The following NAT1 variants were observed in gnomAD, a reference collection of about 807,000 sequenced individuals.
NAT1 encodes N-acetyltransferase 1.
For synonymous variants in NAT1, 144 were observed against 122.6 expected, an observed-to-expected ratio of 1.17 and a Z score of -1.16; for missense variants, 400 against 339.2, an observed-to-expected ratio of 1.18 and a Z score of -1.41.
At chr8:18,176,662 C>A (rs1802306570) in intron 2 of NAT1, among the ~76,000 whole-genome samples, 3 of 151,368 alleles carry the variant, frequency 2.0e-5, no homozygotes, top group Non-Finnish European at 2.9e-5. Context: ...ATGCCTTCTA[C>A]TTTGTTCTTT....
chr8:18,222,535 A>C lies in NAT1; in HGVS notation c.488A>C (p.Gln163Pro). ...TEENGFWYLD[Q>P]IRREQYIPNE... ...GAGAATGGATTCTGGTATCTAGACC[A>C]AATCAGAAGGGAACAGTACATTCCA... is the stretch of plus-strand genomic sequence containing the variant. Residue 163 changes from glutamine to proline, a missense_variant, in exon 3 of 3, where the codon CAA (glutamine) becomes CCA (proline). Coordinates refer to ENST00000307719, the MANE Select transcript of NAT1 (RefSeq NM_000662.8). 1 of 1,614,156 alleles carries C rather than the reference A, an allele frequency of 6.2e-7. No homozygotes were observed. The highest frequency in any genetic ancestry group is 2.2e-5 in the East Asian group (1 of 44,882).
chr8:18,219,695 G>A (rs528518017), intron 2 of NAT1, among the ~76,000 whole-genome samples: 1 of 152,208 alleles, frequency 6.6e-6, no homozygotes, highest in Non-Finnish European at 1.5e-5. Context: ...ATTCCACCTT[G>A]AAGCACAACG....
intron 2 of NAT1, among the ~76,000 whole-genome samples, chr8:18,179,805 C>T (rs879804347): frequency 3.9e-5 from 6 of 152,276 alleles, no homozygotes; most frequent in Middle Eastern, 3.4e-3. Flanking sequence ...CACTCATATG[C>T]ATGGCATTGT....
At chr8:18,187,562 A>G (rs979402836) in intron 2 of NAT1, among the ~76,000 whole-genome samples, 1 of 152,156 alleles carries the variant, frequency 6.6e-6, no homozygotes, top group African/African-American at 2.4e-5. Flanking sequence ...AGCAACGTGG[A>G]TGCAACTGGA....
chr8:18,192,862 G>T (rs1417239009), intron 2 of NAT1, among the ~76,000 whole-genome samples: 1 of 151,476 alleles, frequency 6.6e-6, no homozygotes, highest in East Asian at 2.0e-4. Flanking sequence ...AGGGGGGAGG[G>T]ATAGCATTAG....
At chr8:18,178,874 A>T (rs562471617) in intron 2 of NAT1, among the ~76,000 whole-genome samples, 5 of 152,236 alleles carry the variant, frequency 3.3e-5, no homozygotes, top group South Asian at 2.1e-4. Context: ...TTTCAAGTCT[A>T]ATACCACTTA....
At chr8:18,170,539 G>T (rs1245164987) in intron 1 of NAT1, 1 of 152,160 alleles carries the variant, frequency 6.6e-6, no homozygotes, top group Non-Finnish European at 1.5e-5. Flanking sequence ...TTGTTCTCTG[G>T]TTATAAATGT....
At position 18,222,326 on chromosome 8, in the gene NAT1, T is replaced by C. The variant is rs1427639108; in HGVS notation, c.279T>C (p.Val93=). The change falls in exon 3 of 3, where the codon GTT becomes GTC. Residue 93 remains valine, a synonymous_variant. Coordinates refer to ENST00000307719, the MANE Select transcript of NAT1 (RefSeq NM_000662.8). ...AGACCACGATGTTGGGAGGGTATGT[T>C]TACAGCACTCCAGCCAAAAAATACA... ...GFETTMLGGY[V]YSTPAKKYST... is the part of the protein sequence containing the mutation. 4 of 1,614,080 alleles carry C rather than the reference T, an allele frequency of 2.5e-6. No homozygotes were observed. The highest frequency in any genetic ancestry group is 3.4e-6 in the Non-Finnish European group (4 of 1,179,996).
chr8:18,172,975 A>G (rs1216545776), intron 2 of NAT1, among the ~76,000 whole-genome samples: 1 of 152,108 alleles, frequency 6.6e-6, no homozygotes, highest in African/African-American at 2.4e-5. Context: ...CTAGACGCAC[A>G]CATTTTATCA....
At chr8:18,176,730 T>C (rs1294946053) in intron 2 of NAT1, among the ~76,000 whole-genome samples, 1 of 151,868 alleles carries the variant, frequency 6.6e-6, no homozygotes, top group Non-Finnish European at 1.5e-5. Context: ...CATGTTAGGA[T>C]TTTTTTTCTA....
At chr8:18,176,850 A>T (rs1351679028) in intron 2 of NAT1, among the ~76,000 whole-genome samples, 2 of 152,032 alleles carry the variant, frequency 1.3e-5, no homozygotes, top group Admixed American at 1.3e-4. Flanking sequence ...TCAATCCATA[A>T]ACACAGAATA....
At chr8:18,193,506 A>G (rs1032601628) in intron 2 of NAT1, among the ~76,000 whole-genome samples, 1 of 132,486 alleles carries the variant, frequency 7.5e-6, no homozygotes, top group Non-Finnish European at 1.5e-5. Context: ...ATATATATAT[A>G]ATATATATAT....
intron 1 of NAT1, among the ~76,000 whole-genome samples, chr8:18,218,857 TGGAGGTGAGG>T: frequency 6.6e-6 from 1 of 152,290 alleles, no homozygotes; most frequent in East Asian, 1.9e-4. Flanking sequence ...TTTTCTTTAG[TGGAGGTGAGG>T]GGAGGTGGCT....
At chr8:18,220,192 G>A (rs1266435603) in intron 2 of NAT1, among the ~76,000 whole-genome samples, 1 of 152,154 alleles carries the variant, frequency 6.6e-6, no homozygotes, top group East Asian at 1.9e-4. Context: ...TGTTACGAAA[G>A]GGTGCTGGTG....
upstream of NAT1, among the ~76,000 whole-genome samples, chr8:18,207,633 G>A (rs1184189666): frequency 1.3e-5 from 2 of 152,198 alleles, no homozygotes; most frequent in Non-Finnish European, 2.9e-5. Context: ...CAGTGAGGCT[G>A]CAGAGAGATA....
intron 1 of NAT1, among the ~76,000 whole-genome samples, chr8:18,213,814 ATTTC>A (rs1255397398): frequency 1.3e-5 from 2 of 149,232 alleles, no homozygotes; most frequent in African/African-American, 4.9e-5. Flanking sequence ...TTAACGTCAT[ATTTC>A]TTTTTTTTTT....
chr8:18,216,879 G>T lies in NAT1; in HGVS notation c.-85-2532G>T, dbSNP rs28359502. ...ACTCATAATTATTTCTTCAACAGAC[G>T]TGTACAGAAGGGCCATGCTGTTATT... On this transcript the variant is annotated intron_variant, in intron 1 of 2. Coordinates refer to ENST00000307719, the MANE Select transcript of NAT1 (RefSeq NM_000662.8). 0.011 allele frequency: 16,750 copies of T among 1,538,568 alleles called. 126 individuals are homozygous for T. The highest frequency in any genetic ancestry group is 0.052 in the Middle Eastern group (313 of 5,962).
intron 2 of NAT1, among the ~76,000 whole-genome samples, chr8:18,193,491 GAT>G (rs142473962): frequency 9.9e-4 from 102 of 102,792 alleles, no homozygotes; most frequent in South Asian, 2.2e-3. Context: ...TATATAATCT[GAT>G]ATATATATAT....
chr8:18,200,746 G>C (rs888281863), intron 2 of NAT1, among the ~76,000 whole-genome samples: 1 of 151,930 alleles, frequency 6.6e-6, no homozygotes, highest in Non-Finnish European at 1.5e-5. Flanking sequence ...GTAATATGTA[G>C]GTATCAGGCA....
Sources: allele counts gnomAD v4.1 joint callset (sites outside exome capture counted in the v4.1 genomes callset), GRCh38; gene constraint gnomAD v4.1.1; transcripts MANE v1.5; gene names NCBI Gene and HGNC (gene_info 2026-07-23, HGNC 2026-07-21).